The following TIMP2 variants were observed in gnomAD, a reference collection of about 807,000 sequenced individuals.
TIMP2 encodes the protein metalloproteinase inhibitor 2.
Under a neutral mutation model 24.3 loss-of-function variants are expected in TIMP2, and 5 were observed. The observed-to-expected ratio is 0.21, with a 90% CI of 0.11 to 0.43. The LOEUF (loss-of-function observed/expected upper bound fraction) is 0.43. Among genes scored for constraint, TIMP2 ranks in the 20% least tolerant of loss-of-function variants. TIMP2 has a pLI of 1.00. For missense variants in TIMP2, 221 were observed against 297.5 expected (o/e 0.74, Z 1.89); for synonymous variants, 130 against 123.2 (o/e 1.06, Z -0.37).
chr17:78,876,029 G>A (rs1358284131), intron 1 of TIMP2, among the ~76,000 whole-genome samples: 2 of 152,186 alleles, frequency 1.3e-5, no homozygotes, highest in East Asian at 1.9e-4. Flanking sequence ...GCCACATCTA[G>A]GAAATGTCTC....
chr17:78,878,520 G>A (rs781015677), intron 1 of TIMP2, among the ~76,000 whole-genome samples: 10 of 152,340 alleles, frequency 6.6e-5, no homozygotes, highest in African/African-American at 1.9e-4. Flanking sequence ...ACACAGACCC[G>A]GTCCTGGTCA....
intron 1 of TIMP2, among the ~76,000 whole-genome samples, chr17:78,880,705 G>T (rs1222136010): frequency 6.6e-6 from 1 of 152,168 alleles, no homozygotes; most frequent in Non-Finnish European, 1.5e-5. Flanking sequence ...GCCTTTGAAA[G>T]AAAAAGAAAA....
At chr17:78,862,133 G>A (rs2069571974) in intron 3 of TIMP2, among the ~76,000 whole-genome samples, 2 of 152,144 alleles carry the variant, frequency 1.3e-5, no homozygotes, top group African/African-American at 4.8e-5. Context: ...AAATTACAGG[G>A]CCAACTCTGT....
chr17:78,877,353 C>T (rs1461438739), intron 1 of TIMP2, among the ~76,000 whole-genome samples: 1 of 152,118 alleles, frequency 6.6e-6, no homozygotes, highest in Non-Finnish European at 1.5e-5. Flanking sequence ...CCGAGGCGGG[C>T]GGATCACTTG....
intron 1 of TIMP2, chr17:78,898,013 C>T (rs894201739): frequency 1.8e-4 from 27 of 152,306 alleles, no homozygotes; most frequent in African/African-American, 6.5e-4. Context: ...CAACCTTGTC[C>T]CTGCCGCCTC....
At chr17:78,913,895 G>GGAAA (rs71161636) in intron 1 of TIMP2, among the ~76,000 whole-genome samples, 1,190 of 102,108 alleles carry the variant, frequency 0.012, 27 homozygotes, top group African/African-American at 0.036. Context: ...CTGTCTCGGG[G>GGAAA]AAAAAAAAAA....
intron 1 of TIMP2, among the ~76,000 whole-genome samples, chr17:78,884,125 C>A (rs1332580711): frequency 6.6e-6 from 1 of 152,174 alleles, no homozygotes; most frequent in Admixed American, 6.5e-5. Flanking sequence ...AGGAGCAGGA[C>A]CGTGCAGGGC....
intron 1 of TIMP2, among the ~76,000 whole-genome samples, chr17:78,918,076 A>ACGCGCACACACACACT (rs143088362): frequency 6.8e-6 from 1 of 146,208 alleles, no homozygotes. Flanking sequence ...ACACACACAC[A>ACGCGCACACACACACT]CACACACACA....
At chr17:78,914,959 C>A (rs562370166) in intron 1 of TIMP2, among the ~76,000 whole-genome samples, 1 of 149,550 alleles carries the variant, frequency 6.7e-6, no homozygotes, top group African/African-American at 2.5e-5. Context: ...TGCAGTGGCA[C>A]GATCTCGGCT....
chr17:78,855,523 AG>A lies in TIMP2; in HGVS notation c.*143del. 1 of 973,682 alleles carries A rather than the reference AG, an allele frequency of 1.0e-6. No homozygotes were observed. Among genetic ancestry groups the A allele is most frequent in the Non-Finnish European group, 1.5e-6 (1 of 667,638 alleles). The allele number at this position is 973,682 out of a possible 1,614,324, so 60.3% of individuals were successfully genotyped here. A position where few individuals can be genotyped will look rare whatever the true frequency, so the allele number is the denominator to read the frequency against. On this transcript the variant is annotated 3_prime_UTR_variant, in exon 5 of 5. Transcript: ENST00000262768. This position sits in a 1 kb window ranked among gnomAD's most constrained non-coding sequence, Gnocchi z 6.0. ...ACCCACAACCATGTCTAAAAGGAGA[AG>A]GGGGGAGCAGAATCATATTAATTTG... is the stretch of plus-strand genomic sequence containing the variant.
chr17:78,875,417 G>A (rs1315841836), intron 1 of TIMP2, among the ~76,000 whole-genome samples: 3 of 152,174 alleles, frequency 2.0e-5, no homozygotes, highest in African/African-American at 7.2e-5. Flanking sequence ...TTGCTGACAG[G>A]CCATGCAACA....
intron 1 of TIMP2, among the ~76,000 whole-genome samples, chr17:78,876,599 C>T (rs1022821012): frequency 6.6e-6 from 1 of 152,138 alleles, no homozygotes; most frequent in African/African-American, 2.4e-5. Flanking sequence ...TCACTGCAAC[C>T]TCCACCTCCC....
At chr17:78,864,156 C>T (rs2069589665) in intron 3 of TIMP2, among the ~76,000 whole-genome samples, 3 of 152,318 alleles carry the variant, frequency 2.0e-5, no homozygotes, top group Admixed American at 2.0e-4. Flanking sequence ...TCCTAGCTCA[C>T]TGCAGCCTCA....
rs2145753831 is a variant in TIMP2, at chr17:78,871,020, G to A, written c.232-14C>T. On this transcript the variant is annotated splice_polypyrimidine_tract_variant and intron_variant, in intron 2 of 4. Coordinates refer to ENST00000262768, the MANE Select transcript of TIMP2 (RefSeq NM_003255.5). The stretch of plus-strand genomic sequence containing the variant: ...CCCTTTGAACATCTGGAAAGACAAG[G>A]AGGAGGACATGTAAGCAGAGGGAGG... 1.2e-6 allele frequency: 2 copies of A among 1,607,408 alleles called. No individual in the cohort carries two copies. Among genetic ancestry groups the A allele is most frequent in the African/African-American group, 1.3e-5 (1 of 74,862 alleles).
At chr17:78,893,447 CTG>C (rs1204547823) in intron 1 of TIMP2, among the ~76,000 whole-genome samples, 24 of 47,926 alleles carry the variant, frequency 5.0e-4, no homozygotes, top group African/African-American at 1.4e-3. Context: ...GTGCGTGGGG[CTG>C]TGTGTGCAGG....
chr17:78,916,608 G>A (rs59573630), intron 1 of TIMP2, among the ~76,000 whole-genome samples: 17,173 of 152,166 alleles, frequency 0.11, 1,098 homozygotes, highest in African/African-American at 0.17. Flanking sequence ...CTTCCCCAGT[G>A]CAGGTGGGAG....
chr17:78,905,467 C>T (rs1314136298), intron 1 of TIMP2, among the ~76,000 whole-genome samples: 1 of 152,248 alleles, frequency 6.6e-6, no homozygotes, highest in East Asian at 1.9e-4. Flanking sequence ...TATGCTTCTT[C>T]CTCGGAGAAG....
At chr17:78,878,216 G>A (rs927073002) in intron 1 of TIMP2, among the ~76,000 whole-genome samples, 1 of 152,186 alleles carries the variant, frequency 6.6e-6, no homozygotes, top group Admixed American at 6.5e-5. Context: ...CTTATTTGAA[G>A]GAGGCAGCAA....
intron 1 of TIMP2, among the ~76,000 whole-genome samples, chr17:78,900,670 C>T (rs1028435792): frequency 1.3e-5 from 2 of 152,168 alleles, no homozygotes; most frequent in Non-Finnish European, 2.9e-5. Context: ...TGGGCATCCC[C>T]GGATACAGAT....
Sources: gnomAD v4.1 joint callset for allele counts (sites outside exome capture counted in the v4.1 genomes callset) on GRCh38, gnomAD v4.1.1 for gene constraint, Gnocchi (gnomAD v3.1) non-coding constraint, MANE v1.5 for transcripts, NCBI Gene and HGNC (gene_info 2026-07-23, HGNC 2026-07-21) for gene names.